CWF19L2: variants seen among roughly 807,000 people sequenced by gnomAD.
CWF19L2 encodes CWF19-like protein 2.
A neutral mutation model predicts 111.7 loss-of-function variants in CWF19L2; 98 were observed. That is an observed-to-expected ratio of 0.88 (90% CI 0.75 to 1.04). The LOEUF is 1.04. Among genes scored for constraint, CWF19L2 ranks in the 50% least tolerant of loss-of-function variants. CWF19L2 has a pLI of 0.00. For missense variants in CWF19L2, 1,101 were observed against 1,051.4 expected (o/e 1.05, Z -0.65); for synonymous variants, 351 against 342.9 (o/e 1.02, Z -0.26).
rs56313409 is a variant in CWF19L2 at position 107,330,644 on chromosome 11, CCACACACACACACACACACA to C, written c.2440-645_2440-626del. Among the ~76,000 whole-genome samples, 4 of 121,638 alleles carry C rather than the reference CCACACACACACACACACACA, an allele frequency of 3.3e-5. 1 individual carries two copies. Among genetic ancestry groups the C allele is most frequent in the African/African-American group, 6.7e-5 (2 of 29,658 alleles). 79.8% of individuals were successfully genotyped at this position (121,638 alleles called of 152,430 possible). On this transcript the variant is annotated intron_variant, in intron 16 of 17. Coordinates refer to ENST00000282251, the MANE Select transcript of CWF19L2 (RefSeq NM_152434.3). Reference sequence around the variant, plus strand: ...TCTCTCTCTACACACACCCCCCCCACCACACACACACACACACACACACACACACACACACACACACACAC... The same window carrying C: ...TCTCTCTCTACACACACCCCCCCCACCACACACACACACACACACACACAC...
intron 3 of CWF19L2, among the ~76,000 whole-genome samples, chr11:107,448,228 C>G (rs957928378): frequency 1.3e-5 from 2 of 151,620 alleles, no homozygotes; most frequent in Non-Finnish European, 2.9e-5. Context: ...ACCTGTAATC[C>G]CAACTACTCA....
At chr11:107,412,760 A>G (rs773678430) in intron 10 of CWF19L2, among the ~76,000 whole-genome samples, 3 of 152,252 alleles carry the variant, frequency 2.0e-5, no homozygotes, top group East Asian at 1.9e-4. Context: ...AGGTGAATGA[A>G]TAAGTAAAAT....
intron 12 of CWF19L2, among the ~76,000 whole-genome samples, chr11:107,359,561 T>C (rs1416393887): frequency 1.3e-5 from 2 of 152,098 alleles, no homozygotes; most frequent in Non-Finnish European, 2.9e-5. Flanking sequence ...TAGCAAAATT[T>C]TTGCTTCCCA....
intron 16 of CWF19L2, among the ~76,000 whole-genome samples, chr11:107,333,791 A>G (rs76734158): frequency 0.036 from 5,469 of 152,320 alleles, 129 homozygotes; most frequent in East Asian, 0.076. Flanking sequence ...GTTACGTGAC[A>G]TGTAACAGGA....
chr11:107,358,302 C>A (rs1334603542), intron 12 of CWF19L2, among the ~76,000 whole-genome samples: 1 of 151,426 alleles, frequency 6.6e-6, no homozygotes, highest in African/African-American at 2.4e-5. Context: ...CCATCTTGGG[C>A]CCCACATAAA....
rs139666007 is a variant in CWF19L2 at position 107,449,617 on chromosome 11, T to G, written c.339+4833A>C. Among the ~76,000 whole-genome samples, 522 of 151,794 alleles carry G rather than the reference T, an allele frequency of 3.4e-3. 3 individuals carry two copies. The highest frequency in any genetic ancestry group is 0.012 in the African/African-American group (482 of 41,426). ...ATGGAAGTATATTTTGGTGAAAGTC[T>G]AATTATAAAAGTAAAATTATATATT... is the stretch of plus-strand genomic sequence containing the variant. On this transcript the variant is annotated intron_variant, in intron 3 of 17. Coordinates refer to ENST00000282251, the MANE Select transcript of CWF19L2 (RefSeq NM_152434.3).
At chr11:107,453,788 GT>G (rs1323648627) in intron 3 of CWF19L2, among the ~76,000 whole-genome samples, 1 of 151,980 alleles carries the variant, frequency 6.6e-6, no homozygotes, top group Non-Finnish European at 1.5e-5. Context: ...GGCCCAGGGG[GT>G]GCCCACTGCC....
At chr11:107,452,890 T>C (rs1013631713) in intron 3 of CWF19L2, among the ~76,000 whole-genome samples, 5 of 152,136 alleles carry the variant, frequency 3.3e-5, no homozygotes, top group Admixed American at 6.5e-5. Flanking sequence ...GGCAGCAGGA[T>C]TGCTTGAGCC....
chr11:107,411,160 C>T (rs1861152509), intron 10 of CWF19L2, among the ~76,000 whole-genome samples: 1 of 151,730 alleles, frequency 6.6e-6, no homozygotes, highest in African/African-American at 2.4e-5. Flanking sequence ...GTTAGGGTCC[C>T]ATACAGTAGT....
intron 3 of CWF19L2, among the ~76,000 whole-genome samples, chr11:107,450,084 G>GCA (rs1861757173): frequency 2.0e-5 from 3 of 151,364 alleles, no homozygotes; most frequent in East Asian, 3.9e-4. Flanking sequence ...GGGTGACAGT[G>GCA]TGAGACTCCA....
intron 17 of CWF19L2, among the ~76,000 whole-genome samples, chr11:107,328,611 T>C (rs1355021035): frequency 1.3e-5 from 2 of 152,194 alleles, no homozygotes; most frequent in Non-Finnish European, 2.9e-5. Flanking sequence ...AACTGAATCA[T>C]ATAAACCAGA....
At chr11:107,408,590 C>T (rs574058443) in intron 10 of CWF19L2, among the ~76,000 whole-genome samples, 1 of 152,008 alleles carries the variant, frequency 6.6e-6, no homozygotes, top group South Asian at 2.1e-4. Flanking sequence ...TATAGTAATA[C>T]TCTATTTCAA....
intron 12 of CWF19L2, among the ~76,000 whole-genome samples, chr11:107,363,132 A>G (rs937029867): frequency 6.6e-6 from 1 of 152,114 alleles, no homozygotes; most frequent in African/African-American, 2.4e-5. Context: ...AAAAAAGAAT[A>G]AAAAGAAATG....
Position 107,429,064 on chromosome 11 carries a change from T to C in CWF19L2, c.1168A>G (p.Ser390Gly), listed in dbSNP as rs1251991710. Residue 390 changes from serine (S) to glycine (G), a missense_variant, in exon 8 of 18, where the codon AGT becomes GGT. Ser to Gly is a moderately conservative substitution (Grantham distance 56). Coordinates refer to ENST00000282251, the MANE Select transcript of CWF19L2 (RefSeq NM_152434.3). ...HSKGRKFEPL[S>G]SSSALVAQGS... ...TGAGCTACCAATGCTGAAGATGAAC[T>C]AAGTGGTTCAAATTTTCTGCCCTTG... is the stretch of plus-strand genomic sequence containing the variant. 1.2e-6 allele frequency: 2 copies of C among 1,613,866 alleles called. No individual in the cohort carries two copies. The highest frequency in any genetic ancestry group is 2.2e-5 in the East Asian group (1 of 44,862).
At chr11:107,431,211 G>C (rs766950768) in intron 7 of CWF19L2, among the ~76,000 whole-genome samples, 6 of 151,654 alleles carry the variant, frequency 4.0e-5, no homozygotes, top group Admixed American at 6.6e-5. Flanking sequence ...TATTAACAGA[G>C]AGGAAAAAAA....
At chr11:107,369,506 T>C (rs1484334055) in intron 12 of CWF19L2, among the ~76,000 whole-genome samples, 3 of 137,434 alleles carry the variant, frequency 2.2e-5, no homozygotes, top group African/African-American at 8.7e-5. Flanking sequence ...AAAAGACACA[T>C]AGGCTTGACT....
chr11:107,342,311 C>T (rs1591151597), intron 14 of CWF19L2, among the ~76,000 whole-genome samples: 1 of 151,908 alleles, frequency 6.6e-6, no homozygotes, highest in Non-Finnish European at 1.5e-5. Context: ...GAATAATACA[C>T]TATTGAAGTG....
chr11:107,447,389 C>T (rs1266855911), intron 3 of CWF19L2, among the ~76,000 whole-genome samples: 1 of 152,094 alleles, frequency 6.6e-6, no homozygotes, highest in East Asian at 1.9e-4. Context: ...TGAGAGTCCA[C>T]AAGGTCAGGC....
intron 12 of CWF19L2, among the ~76,000 whole-genome samples, chr11:107,356,866 T>C (rs940731316): frequency 2.6e-5 from 4 of 151,872 alleles, no homozygotes; most frequent in Non-Finnish European, 5.9e-5. Context: ...GGAGAAACCC[T>C]GTCTCTACTA....
Sources: gnomAD v4.1 joint callset for allele counts (sites outside exome capture counted in the v4.1 genomes callset) on GRCh38, gnomAD v4.1.1 for gene constraint, MANE v1.5 for transcripts, NCBI Gene and HGNC (gene_info 2026-07-23, HGNC 2026-07-21) for gene names.